Variants in ANXA4 observed in about 807,000 individuals in gnomAD.
The protein encoded by ANXA4 is 35-beta calcimedin.
In ANXA4, 39 loss-of-function variants were observed where a neutral mutation model predicts 49.8. The ratio of observed to expected loss-of-function variants is 0.78; its 90% CI spans 0.61 to 1.02. The LOEUF is 1.02. Ranked by LOEUF, ANXA4 falls within the 50% of genes least tolerant of loss-of-function variation. ANXA4 has a pLI of 0.00. For missense variants in ANXA4, 360 were observed against 410.1 expected (o/e 0.88, Z 1.05); for synonymous variants, 134 against 152.5 (o/e 0.88, Z 0.89).
intron 10 of ANXA4, 32 bp from the exon 11 acceptor site, chr2:69,819,248 C>T: frequency 6.6e-7 from 1 of 1,514,382 alleles, no homozygotes. Flanking sequence ...TATCTGTAAT[C>T]TTTTCATTTC....
chr2:69,701,177 AT>A (rs35914400), intron 2 of ANXA4, among the ~76,000 whole-genome samples: 8 of 150,528 alleles, frequency 5.3e-5, no homozygotes, highest in South Asian at 2.1e-4. Context: ...GCCTGGCTTA[AT>A]TTTTTTTTTA....
intron 2 of ANXA4, among the ~76,000 whole-genome samples, chr2:69,785,088 T>C (rs1672359389): frequency 6.6e-6 from 1 of 152,206 alleles, no homozygotes; most frequent in Admixed American, 6.5e-5. Context: ...AGGAAGTCGA[T>C]GTCATACATG....
At chr2:69,694,179 G>C (rs1466817500) in intron 2 of ANXA4, among the ~76,000 whole-genome samples, 1 of 151,992 alleles carries the variant, frequency 6.6e-6, no homozygotes, top group Non-Finnish European at 1.5e-5. Context: ...GAAGTGATGA[G>C]GTCCTAAAGT....
At chr2:69,714,021 C>G (rs1163695713) in intron 2 of ANXA4, among the ~76,000 whole-genome samples, 1 of 152,234 alleles carries the variant, frequency 6.6e-6, no homozygotes, top group Non-Finnish European at 1.5e-5. Context: ...GCAGAACATT[C>G]TTTAGTCTAC....
intron 1 of ANXA4, among the ~76,000 whole-genome samples, chr2:69,651,646 GCT>G (rs1676239293): frequency 6.6e-6 from 1 of 151,618 alleles, no homozygotes; most frequent in African/African-American, 2.4e-5. Context: ...GGGACTACAG[GCT>G]CCCACCACCA....
chr2:69,701,568 A>G (rs1167510753), intron 2 of ANXA4, among the ~76,000 whole-genome samples: 6 of 152,236 alleles, frequency 3.9e-5, no homozygotes, highest in African/African-American at 1.4e-4. Flanking sequence ...ATAGTATTAT[A>G]TTCACTGTAT....
chr2:69,651,830 CGG>C (rs1283036697), intron 1 of ANXA4, among the ~76,000 whole-genome samples: 12 of 9,666 alleles, frequency 1.2e-3, no homozygotes, highest in East Asian at 5.2e-3. Flanking sequence ...GGGGGGGGGG[CGG>C]GGAGACAGAG....
At chr2:69,757,590 A>G (rs2105513321) in intron 1 of ANXA4, among the ~76,000 whole-genome samples, 1 of 151,650 alleles carries the variant, frequency 6.6e-6, no homozygotes. Context: ...TTATATTTTA[A>G]AAGATAAATC....
At chr2:69,665,238 G>A (rs564449965) in intron 2 of ANXA4, among the ~76,000 whole-genome samples, 17 of 152,284 alleles carry the variant, frequency 1.1e-4, no homozygotes, top group East Asian at 9.6e-4. Flanking sequence ...ACCACCGTGC[G>A]GCAGAGATCA....
chr2:69,733,293 A>G (rs1403559414), intron 3 of ANXA4, among the ~76,000 whole-genome samples: 1 of 152,230 alleles, frequency 6.6e-6, no homozygotes, highest in Admixed American at 6.5e-5. Context: ...ATCTAACACC[A>G]GAAAACTGTT....
At chr2:69,781,839 G>A (rs898825915) in intron 2 of ANXA4, among the ~76,000 whole-genome samples, 1 of 152,070 alleles carries the variant, frequency 6.6e-6, no homozygotes, top group Non-Finnish European at 1.5e-5. Flanking sequence ...GTAATTTTCT[G>A]TCTGCAGAAG....
Position 69,826,853 on chromosome 2 carries a change from G to C in ANXA4, c.*1338G>C, listed in dbSNP as rs1057506911. The stretch of plus-strand genomic sequence containing the variant: ...TCTGATCCACTTTTCACCTTCTGAG[G>C]TTTTTCATCTTGGCCCCTGAAAGGA... On this transcript the variant is annotated 3_prime_UTR_variant, in exon 13 of 13. Transcript: ENST00000394295. The C allele has an allele frequency of 6.6e-6, 1 of 151,518 alleles. No homozygotes were observed. Among genetic ancestry groups the C allele is most frequent in the African/African-American group, 2.4e-5 (1 of 41,188 alleles). 9.4% of individuals were successfully genotyped at this position (151,518 alleles called of 1,614,324 possible). A position where few individuals can be genotyped will look rare whatever the true frequency, so the allele number is the denominator to read the frequency against.
intron 1 of ANXA4, among the ~76,000 whole-genome samples, chr2:69,780,246 G>A (rs1232401130): frequency 6.6e-6 from 1 of 152,174 alleles, no homozygotes. Flanking sequence ...CCAGACTGGA[G>A]TGCAGTGGCA....
intron 2 of ANXA4, among the ~76,000 whole-genome samples, chr2:69,720,080 G>A (rs764471657): frequency 2.6e-5 from 4 of 152,112 alleles, no homozygotes; most frequent in East Asian, 1.9e-4. Flanking sequence ...GATTAGGAAC[G>A]AGCTCCCCCT....
At chr2:69,772,858 A>G (rs1412894308) in intron 1 of ANXA4, among the ~76,000 whole-genome samples, 1 of 152,086 alleles carries the variant, frequency 6.6e-6, no homozygotes, top group Non-Finnish European at 1.5e-5. Flanking sequence ...CTCTACTAAA[A>G]ATACAAAAAT....
intron 3 of ANXA4, among the ~76,000 whole-genome samples, chr2:69,789,464 A>G (rs1672576238): frequency 6.6e-6 from 1 of 152,184 alleles, no homozygotes. Context: ...CTGGTGAAGC[A>G]GCCTTGTTGT....
intron 7 of ANXA4, among the ~76,000 whole-genome samples, chr2:69,812,110 A>G (rs1041593593): frequency 1.4e-5 from 2 of 145,300 alleles, no homozygotes; most frequent in African/African-American, 5.2e-5. Context: ...CTCTGTTCCC[A>G]ACCTCCCCAC....
chr2:69,810,831 C>T, intron 7 of ANXA4, 158 bp downstream of exon 7: 1 of 628,386 alleles, frequency 1.6e-6, no homozygotes, highest in Non-Finnish European at 2.8e-6. Context: ...CCTTCAGAGA[C>T]TCTGGCTAAT....
chr2:69,728,509 C>T (rs1419631411), intron 3 of ANXA4, among the ~76,000 whole-genome samples: 2 of 152,162 alleles, frequency 1.3e-5, no homozygotes, highest in Non-Finnish European at 2.9e-5. Context: ...AATGTGTTTT[C>T]CTTTTCATGT....
Sources: gnomAD v4.1 joint callset for allele counts (sites outside exome capture counted in the v4.1 genomes callset) on GRCh38, gnomAD v4.1.1 for gene constraint, MANE v1.5 for transcripts, NCBI Gene and HGNC (gene_info 2026-07-23, HGNC 2026-07-21) for gene names.